Variants in COLEC12 observed in about 807,000 individuals in gnomAD.
COLEC12 encodes the protein collectin subfamily member 12.
In COLEC12, 33 loss-of-function variants were observed where a neutral mutation model predicts 71.1. The observed-to-expected ratio is 0.46, with a 90% CI of 0.35 to 0.62. The LOEUF is 0.62. Ranked by LOEUF, COLEC12 falls within the 20% of genes least tolerant of loss-of-function variation. COLEC12 has a pLI of 0.00. For missense variants in COLEC12, 765 were observed against 916.1 expected, an observed-to-expected ratio of 0.84 and a Z score of 2.13; for synonymous variants, 350 against 353.0, an observed-to-expected ratio of 0.99 and a Z score of 0.10.
intron 3 of COLEC12, among the ~76,000 whole-genome samples, chr18:350,602 T>C (rs1374097540): frequency 6.6e-6 from 1 of 152,166 alleles, no homozygotes; most frequent in East Asian, 1.9e-4. Context: ...GGATCAAGTC[T>C]GACTGTCCTT....
intron 2 of COLEC12, among the ~76,000 whole-genome samples, chr18:423,560 T>C (rs796537316): frequency 3.9e-5 from 6 of 152,298 alleles, no homozygotes; most frequent in African/African-American, 1.4e-4. Context: ...CCAGTATCAG[T>C]GAATGCCTTC....
At chr18:491,309 TTC>T (rs1567924608) in intron 1 of COLEC12, among the ~76,000 whole-genome samples, 1 of 152,238 alleles carries the variant, frequency 6.6e-6, no homozygotes, top group Non-Finnish European at 1.5e-5. Context: ...TCTGGAAGAC[TTC>T]TTTCCTAACA....
intron 2 of COLEC12, among the ~76,000 whole-genome samples, chr18:396,018 AGCT>A (rs1457094815): frequency 6.6e-6 from 1 of 152,192 alleles, no homozygotes; most frequent in African/African-American, 2.4e-5. Flanking sequence ...GCTGCCAAGG[AGCT>A]GCCCCAGGCT....
intron 2 of COLEC12, among the ~76,000 whole-genome samples, chr18:470,052 C>A (rs1361266523): frequency 1.3e-5 from 2 of 151,984 alleles, no homozygotes; most frequent in African/African-American, 4.8e-5. Context: ...ATTCATATTT[C>A]CCCTCAATTA....
chr18:393,959 T>A (rs1008441368), intron 2 of COLEC12, among the ~76,000 whole-genome samples: 1 of 152,208 alleles, frequency 6.6e-6, no homozygotes, highest in Admixed American at 6.5e-5. Flanking sequence ...CACATTACAC[T>A]GTTTACATAG....
chr18:430,453 C>A (rs1916282030), intron 2 of COLEC12, among the ~76,000 whole-genome samples: 1 of 152,008 alleles, frequency 6.6e-6, no homozygotes, highest in Non-Finnish European at 1.5e-5. Context: ...TTCCAGAGTT[C>A]TTTCCTAATT....
At chr18:345,416 T>C (rs941310653) in intron 5 of COLEC12, among the ~76,000 whole-genome samples, 2 of 152,242 alleles carry the variant, frequency 1.3e-5, no homozygotes, top group African/African-American at 4.8e-5. Flanking sequence ...TATTGCTATG[T>C]TGCCCAGGCT....
intron 2 of COLEC12, among the ~76,000 whole-genome samples, chr18:366,272 C>T (rs1295857182): frequency 1.3e-5 from 2 of 152,144 alleles, no homozygotes; most frequent in Admixed American, 1.3e-4. Flanking sequence ...GTCTGGAGCC[C>T]TCTCCGCAGA....
chr18:425,563 A>G (rs775876326), intron 2 of COLEC12, among the ~76,000 whole-genome samples: 8 of 152,026 alleles, frequency 5.3e-5, no homozygotes, highest in Non-Finnish European at 1.2e-4. Context: ...ACCAGGAGAG[A>G]CTCTGGGATG....
rs865782183 is a variant in COLEC12, at chr18:473,510, C to T, written c.58+7197G>A. On this transcript the variant is annotated intron_variant, in intron 2 of 9. Transcript: ENST00000400256. Reference sequence around the variant, plus strand: ...CCCCGAGAAGCTGGGATTACAGGCGCGTGCCACAGCGCTCAGCTAATTTTG... The same window carrying T: ...CCCCGAGAAGCTGGGATTACAGGCGTGTGCCACAGCGCTCAGCTAATTTTG... Among the ~76,000 whole-genome samples the T allele has an allele frequency of 2.3e-3, 128 of 55,282 alleles. No individual in the cohort carries two copies. The South Asian group carries it at 0.04, about 17-fold the overall frequency. 36.3% of individuals were successfully genotyped at this position (55,282 alleles called of 152,430 possible). A position where few individuals can be genotyped will look rare whatever the true frequency, so the allele number is the denominator to read the frequency against.
chr18:483,944 C>T (rs2143777946), intron 1 of COLEC12, among the ~76,000 whole-genome samples: 1 of 152,300 alleles, frequency 6.6e-6, no homozygotes, highest in African/African-American at 2.4e-5. Context: ...TCCTTTCCAC[C>T]ACTGTGCCAC....
chr18:394,201 CA>C (rs1180668496), intron 2 of COLEC12, among the ~76,000 whole-genome samples: 3 of 152,124 alleles, frequency 2.0e-5, no homozygotes, highest in Admixed American at 1.3e-4. Flanking sequence ...AAATTGTGCC[CA>C]ATTCTGTTTT....
At chr18:337,361 G>A (rs192256532) in intron 5 of COLEC12, among the ~76,000 whole-genome samples, 3 of 152,230 alleles carry the variant, frequency 2.0e-5, no homozygotes, top group African/African-American at 7.2e-5. Flanking sequence ...TCCCAACCCA[G>A]GTCTTGATGG....
chr18:376,227 C>T (rs1173932575), intron 2 of COLEC12, among the ~76,000 whole-genome samples: 1 of 152,202 alleles, frequency 6.6e-6, no homozygotes, highest in Non-Finnish European at 1.5e-5. Context: ...CTCCAGAATC[C>T]AGGGACCGTT....
intron 2 of COLEC12, among the ~76,000 whole-genome samples, chr18:468,240 C>T (rs960137239): frequency 9.3e-5 from 13 of 139,476 alleles, no homozygotes; most frequent in East Asian, 2.1e-4. Context: ...CCAGCCTGGG[C>T]GACAGAGTGA....
At chr18:469,017 G>A (rs1053245125) in intron 2 of COLEC12, among the ~76,000 whole-genome samples, 30 of 152,388 alleles carry the variant, frequency 2.0e-4, no homozygotes, top group African/African-American at 6.3e-4. Flanking sequence ...GGCCGATGGC[G>A]TGCGCAGCAC....
At chr18:448,151 GTC>G (rs1429005552) in intron 2 of COLEC12, among the ~76,000 whole-genome samples, 2 of 152,204 alleles carry the variant, frequency 1.3e-5, no homozygotes, top group African/African-American at 4.8e-5. Flanking sequence ...GTGCCTTTGT[GTC>G]TCTCTTGAAA....
At chr18:354,448 A>G (rs1049048166) in intron 3 of COLEC12, among the ~76,000 whole-genome samples, 2 of 152,252 alleles carry the variant, frequency 1.3e-5, no homozygotes, top group African/African-American at 4.8e-5. Context: ...AGCTCTGATA[A>G]ATAAAAGTTT....
chr18:332,394 G>A (rs1303805968), intron 7 of COLEC12, among the ~76,000 whole-genome samples: 2 of 152,202 alleles, frequency 1.3e-5, no homozygotes, highest in Admixed American at 1.3e-4. Context: ...ATCAAAGAAA[G>A]CGCTGCATTG....
Sources: allele counts gnomAD v4.1 joint callset (sites outside exome capture counted in the v4.1 genomes callset), GRCh38; gene constraint gnomAD v4.1.1; transcripts MANE v1.5; gene names NCBI Gene and HGNC (gene_info 2026-07-23, HGNC 2026-07-21).